DOCK2: variants seen among roughly 807,000 people sequenced by gnomAD.
DOCK2 encodes the protein dedicator of cytokinesis protein 2.
DOCK2 carries 87 observed loss-of-function variants against 248.9 expected under a neutral mutation model. The ratio of observed to expected loss-of-function variants is 0.35; its 90% CI spans 0.29 to 0.42. The LOEUF (loss-of-function observed/expected upper bound fraction) is 0.42, where lower values mean the gene tolerates loss of function less well. DOCK2 is among the 10% of genes least tolerant of loss of function. The pLI, the probability that DOCK2 is intolerant of heterozygous loss-of-function variation, is 1.00. For synonymous variants in DOCK2, 805 were observed against 821.6 expected (o/e 0.98, Z 0.35); for missense variants, 1,747 against 2,300.2 (o/e 0.76, Z 4.92).
At position 169,996,144 on chromosome 5, in the gene DOCK2, C is replaced by A. The variant is rs751292939; in HGVS notation, c.3052C>A (p.His1018Asn). The A allele has an allele frequency of 6.2e-7, 1 of 1,613,982 alleles. No individual in the cohort carries two copies. Among genetic ancestry groups the A allele is most frequent in the Non-Finnish European group, 8.5e-7 (1 of 1,179,892 alleles). Reference protein sequence around the residue: ...AETMNQKFLEHTNFEFQLWNN... With the variant: ...AETMNQKFLENTNFEFQLWNN... ...AACCATGAACCAGAAGTTCCTAGAA[C>A]ACACGAACTTTGAGTTCCAGGTGAG... Residue 1018 changes from histidine (H) to asparagine (N), a missense_variant, in exon 30 of 52, where the codon CAC becomes AAC. This residue lies in a region of DOCK2 where 858 missense variants were observed against 1,183.5 expected (regional missense o/e 0.72). Coordinates refer to ENST00000520908, the MANE Select transcript of DOCK2 (RefSeq NM_004946.3).
chr5:169,938,492 A>G lies in DOCK2; in HGVS notation c.2800-44576A>G, dbSNP rs376365528. Among the ~76,000 whole-genome samples, 14 of 152,336 alleles carry G rather than the reference A, an allele frequency of 9.2e-5. No individual in the cohort carries two copies. The South Asian group carries it at 2.7e-3, about 29-fold the overall frequency. ...CGAATACTGTAGGCAATTAGAACAC[A>G]TTGGTAAATGTAATGTGTTTTTCTA... is the stretch of plus-strand genomic sequence containing the variant. On this transcript the variant is annotated intron_variant, in intron 27 of 51. Transcript: ENST00000520908.
intron 27 of DOCK2, among the ~76,000 whole-genome samples, chr5:169,916,423 C>G (rs896354248): frequency 2.6e-5 from 4 of 152,202 alleles, no homozygotes; most frequent in Admixed American, 6.5e-5. Context: ...GCTGAAGAAA[C>G]CTTGCCATGG....
At chr5:169,882,885 A>C in intron 27 of DOCK2, 1 of 1,551,596 alleles carries the variant, frequency 6.4e-7, no homozygotes, top group Non-Finnish European at 8.7e-7. Context: ...GTGACACCAG[A>C]TTCTGGTGAT....
intron 2 of DOCK2, among the ~76,000 whole-genome samples, chr5:169,659,956 C>G (rs1423127395): frequency 2.0e-5 from 3 of 152,182 alleles, no homozygotes; most frequent in Admixed American, 6.5e-5. Context: ...TGCAGCTCAC[C>G]TACTTCTTCT....
In DOCK2 at chr5:169,827,867, A is replaced by AC. The variant is rs1561741007; in HGVS notation, c.2704-12890_2704-12889insC. 9.5e-4 allele frequency among the ~76,000 whole-genome samples: 143 copies of AC among 150,570 alleles called. 1 individual carries two copies. Among genetic ancestry groups the AC allele is most frequent in the Non-Finnish European group, 1.4e-3 (98 of 67,642 alleles). On this transcript the variant is annotated intron_variant, in intron 26 of 51. Coordinates refer to ENST00000520908, the MANE Select transcript of DOCK2 (RefSeq NM_004946.3). ...TTGGTGACAATTAGAAAACATTAAAAACACACACACACACACACATGGTTT... is the reference window on the plus strand; with the variant it reads ...TTGGTGACAATTAGAAAACATTAAAACACACACACACACACACACATGGTTT...
intron 27 of DOCK2, among the ~76,000 whole-genome samples, chr5:169,960,556 A>G (rs968173005): frequency 6.6e-6 from 1 of 152,246 alleles, no homozygotes; most frequent in African/African-American, 2.4e-5. Flanking sequence ...TAGGTTTTCA[A>G]GGTGGATTGG....
chr5:169,867,581 G>T (rs570319921), intron 27 of DOCK2, among the ~76,000 whole-genome samples: 3 of 151,644 alleles, frequency 2.0e-5, no homozygotes, highest in Admixed American at 6.6e-5. Context: ...TCATCTATCT[G>T]TCATCTATCG....
chr5:169,671,094 A>G lies in DOCK2; in HGVS notation c.241A>G (p.Ile81Val). The G allele has an allele frequency of 1.2e-6, 2 of 1,614,010 alleles. No individual in the cohort carries two copies. Among genetic ancestry groups the G allele is most frequent in the Non-Finnish European group, 1.7e-6 (2 of 1,179,946 alleles). ...CTTAAATAGAAATACTGAGAACATCATTCCTGCAGAAATTCCTCTGGCACA... is the reference window on the plus strand; with the variant it reads ...CTTAAATAGAAATACTGAGAACATCGTTCCTGCAGAAATTCCTCTGGCACA... Reference protein sequence around the residue: ...VEKRRNTENIIPAEIPLAQEV... With the variant: ...VEKRRNTENIVPAEIPLAQEV... Residue 81 changes from isoleucine (I) to valine (V), a missense_variant, in exon 5 of 52, where the codon ATT becomes GTT. Ile to Val is a conservative substitution (Grantham distance 29). Coordinates refer to ENST00000520908, the MANE Select transcript of DOCK2 (RefSeq NM_004946.3).
chr5:169,671,065 CCA>C lies in DOCK2; in HGVS notation c.225-11_225-10del. 1.2e-6 allele frequency: 2 copies of C among 1,609,626 alleles called. No individual in the cohort carries two copies. The highest frequency in any genetic ancestry group is 1.7e-6 in the Non-Finnish European group (2 of 1,177,556). On this transcript the variant is annotated splice_polypyrimidine_tract_variant and intron_variant, in intron 4 of 51. Transcript: ENST00000520908. ...TCTCAATTTCACACCACTTTTTCTC[CCA>C]CCTTAAATAGAAATACTGAGAACAT... is the stretch of plus-strand genomic sequence containing the variant.
intron 27 of DOCK2, among the ~76,000 whole-genome samples, chr5:169,867,097 C>T (rs1025242253): frequency 1.3e-5 from 2 of 152,184 alleles, no homozygotes; most frequent in African/African-American, 4.8e-5. Context: ...GGAAACACTT[C>T]CTTACGTTTA....
At chr5:169,638,343 T>G (rs773264341) in intron 1 of DOCK2, among the ~76,000 whole-genome samples, 3 of 152,050 alleles carry the variant, frequency 2.0e-5, no homozygotes, top group Non-Finnish European at 4.4e-5. Flanking sequence ...GTGGGGTCAT[T>G]TTGATATAAA....
chr5:170,049,794 A>G (rs936797144), intron 40 of DOCK2, among the ~76,000 whole-genome samples: 13 of 152,236 alleles, frequency 8.5e-5, no homozygotes, highest in African/African-American at 3.1e-4. Flanking sequence ...ATAAAAGACT[A>G]ACATGGTCAG....
chr5:170,055,160 G>A, intron 41 of DOCK2, 145 bp from the exon 42 acceptor site: 1 of 695,588 alleles, frequency 1.4e-6, no homozygotes, highest in South Asian at 1.7e-5. Context: ...TTAGTGCCTA[G>A]TGGGCAGCCA....
In DOCK2 at chr5:170,003,801, C is replaced by T. The variant is rs1013839261; in HGVS notation, c.3073-4696C>T. On this transcript the variant is annotated intron_variant, in intron 30 of 51. Coordinates refer to ENST00000520908, the MANE Select transcript of DOCK2 (RefSeq NM_004946.3). ...AGTGAAGAAAGGCTTGGGGCAGAGG[C>T]CTTATAAGTATTCAGCAATATCTAG... 2.6e-5 allele frequency among the ~76,000 whole-genome samples: 4 copies of T among 152,290 alleles called. No homozygotes were observed. The East Asian group carries it at 5.8e-4, about 22-fold the overall frequency.
At chr5:169,743,717 CCTTT>C (rs1365645914) in intron 22 of DOCK2, among the ~76,000 whole-genome samples, 1 of 151,618 alleles carries the variant, frequency 6.6e-6, no homozygotes, top group Non-Finnish European at 1.5e-5. Context: ...ATTTTTCTTT[CCTTT>C]CTTCTTCCCA....
chr5:169,776,917 C>G (rs1190416341), intron 25 of DOCK2, among the ~76,000 whole-genome samples: 1 of 152,204 alleles, frequency 6.6e-6, no homozygotes. Context: ...ATTACCCAGT[C>G]TCAGGTATTT....
intron 29 of DOCK2, among the ~76,000 whole-genome samples, chr5:169,987,192 CTTG>C (rs1437886844): frequency 6.6e-6 from 1 of 152,120 alleles, no homozygotes; most frequent in Non-Finnish European, 1.5e-5. Context: ...AGATATATTC[CTTG>C]TTGTATTTTC....
chr5:169,755,651 G>A lies in DOCK2; in HGVS notation c.2377-4054G>A, dbSNP rs141292515. ...CCCAGCTACTCCTGAGGTTGAGGCA[G>A]GACAATTGCTTGAACCTGGGAGGTG... On this transcript the variant is annotated intron_variant, in intron 23 of 51. Coordinates refer to ENST00000520908, the MANE Select transcript of DOCK2 (RefSeq NM_004946.3). Among the ~76,000 whole-genome samples, 25 of 152,276 alleles carry A rather than the reference G, an allele frequency of 1.6e-4. No homozygotes were observed. In the East Asian group the frequency reaches 4.8e-3, roughly 29 times the overall value.
intron 27 of DOCK2, chr5:169,980,275 A>AC (rs1470767275): frequency 1.3e-5 from 2 of 152,142 alleles, no homozygotes; most frequent in African/African-American, 4.8e-5. Context: ...CACATCTCTT[A>AC]CCTTGAAGCA....
Sources: allele counts gnomAD v4.1 joint callset (sites outside exome capture counted in the v4.1 genomes callset), GRCh38; gene constraint gnomAD v4.1.1; regional missense constraint gnomAD v4.1.1; transcripts MANE v1.5; gene names NCBI Gene and HGNC (gene_info 2026-07-23, HGNC 2026-07-21).